The following SLC16A2 variants were observed in gnomAD, a reference collection of about 807,000 sequenced individuals.
SLC16A2 encodes monocarboxylate transporter 8.
A neutral mutation model predicts 27.2 loss-of-function variants in SLC16A2; 3 were observed. That is an observed-to-expected ratio of 0.11 (90% confidence interval 0.05 to 0.28). The LOEUF (loss-of-function observed/expected upper bound fraction) is 0.28. Among genes scored for constraint, SLC16A2 ranks in the 10% least tolerant of loss-of-function variants. The pLI is 1.00. For missense variants in SLC16A2, 295 were observed against 458.5 expected, an observed-to-expected ratio of 0.64 and a Z score of 3.26; for synonymous variants, 202 against 187.8, an observed-to-expected ratio of 1.08 and a Z score of -0.62.
chrX:74,429,618 A>G (rs1395589054), intron 1 of SLC16A2, among the ~76,000 whole-genome samples: 1 of 112,125 alleles, frequency 8.9e-6, no homozygotes, highest in African/African-American at 3.2e-5. Context: ...TTTTTCCTCA[A>G]CTTAACCCAT....
chrX:74,430,595 C>T (rs1324428867), intron 1 of SLC16A2, among the ~76,000 whole-genome samples: 1 of 111,903 alleles, frequency 8.9e-6, no homozygotes, highest in East Asian at 2.8e-4. Flanking sequence ...AAATCAAAAC[C>T]GCAATGAGAT....
At chrX:74,494,952 C>T (rs1484507449) in intron 1 of SLC16A2, among the ~76,000 whole-genome samples, 1 of 111,446 alleles carries the variant, frequency 9.0e-6, no homozygotes, top group Non-Finnish European at 1.9e-5. Flanking sequence ...CTCCTGCCCC[C>T]ACCCTCATAC....
chrX:74,443,304 A>G (rs900468010), intron 1 of SLC16A2, among the ~76,000 whole-genome samples: 1 of 111,729 alleles, frequency 9.0e-6, no homozygotes, highest in Non-Finnish European at 1.9e-5. Context: ...TCCTCTGTGG[A>G]TATCTGATTC....
At chrX:74,490,539 G>A (rs185955818) in intron 1 of SLC16A2, among the ~76,000 whole-genome samples, 1 of 110,717 alleles carries the variant, frequency 9.0e-6, no homozygotes, top group African/African-American at 3.3e-5. Context: ...GGCTCAAATC[G>A]TGGAGTGACC....
intron 1 of SLC16A2, among the ~76,000 whole-genome samples, chrX:74,497,674 G>T (rs1279863202): frequency 1.8e-5 from 2 of 109,947 alleles, no homozygotes; most frequent in Non-Finnish European, 3.8e-5. Context: ...TCTATCAATT[G>T]TTCTGTAAAA....
intron 4 of SLC16A2, 130 bp downstream of exon 4, chrX:74,526,023 C>A (rs1930482753): frequency 1.4e-6 from 1 of 737,622 alleles, no homozygotes; most frequent in Non-Finnish European, 2.0e-6. Flanking sequence ...TCTGAGCCTC[C>A]ATTTCACCTG....
chrX:74,422,155 G>C, intron 1 of SLC16A2, 88 bp downstream of exon 1: 2 of 954,376 alleles, frequency 2.1e-6, no homozygotes, highest in Non-Finnish European at 3.0e-6. Context: ...GGTCCGAGGC[G>C]CCCCTCCAAC....
intron 1 of SLC16A2, among the ~76,000 whole-genome samples, chrX:74,490,660 T>C (rs1251983377): frequency 5.4e-5 from 6 of 111,501 alleles, no homozygotes; most frequent in African/African-American, 3.3e-5. Context: ...GACACTCCCA[T>C]GAGGCCCTTG....
Position 74,470,808 on chromosome X carries a change from G to T in SLC16A2, c.430+48741G>T, listed in dbSNP as rs191904924. On this transcript the variant is annotated intron_variant, in intron 1 of 5. Coordinates refer to ENST00000587091, the MANE Select transcript of SLC16A2 (RefSeq NM_006517.5). ...AAAAAATTAGCCGGGTGTGGTGGCG[G>T]CTACCTGTAGTCCCAGCTACTAGGG... Among the ~76,000 whole-genome samples, 986 of 110,596 alleles carry T rather than the reference G, an allele frequency of 8.9e-3. 10 individuals are homozygous for T. The highest frequency in any genetic ancestry group is 0.031 in the African/African-American group (942 of 30,454).
intron 1 of SLC16A2, among the ~76,000 whole-genome samples, chrX:74,468,422 A>G (rs899684302): frequency 8.9e-6 from 1 of 112,091 alleles, no homozygotes; most frequent in Non-Finnish European, 1.9e-5. Context: ...AGGTTCTTCT[A>G]TATCATAGCA....
intron 1 of SLC16A2, among the ~76,000 whole-genome samples, chrX:74,504,250 C>T (rs1297514153): frequency 8.9e-6 from 1 of 112,037 alleles, no homozygotes; most frequent in Non-Finnish European, 1.9e-5. Context: ...CCAGGTCGCT[C>T]TTGAGTCCAT....
intron 5 of SLC16A2, among the ~76,000 whole-genome samples, chrX:74,529,955 G>C (rs1460233229): frequency 9.2e-6 from 1 of 109,220 alleles, no homozygotes; most frequent in Non-Finnish European, 1.9e-5. Flanking sequence ...ACCTTCAGCA[G>C]GAAAAGTGTT....
chrX:74,438,513 CACAG>C (rs1928666700), intron 1 of SLC16A2, among the ~76,000 whole-genome samples: 1 of 112,736 alleles, frequency 8.9e-6, no homozygotes, highest in Admixed American at 9.4e-5. Flanking sequence ...GAACTCATGA[CACAG>C]ACAATTAAAA....
intron 1 of SLC16A2, among the ~76,000 whole-genome samples, chrX:74,495,065 T>C (rs1469298157): frequency 9.0e-6 from 1 of 111,607 alleles, no homozygotes; most frequent in Non-Finnish European, 1.9e-5. Flanking sequence ...CTTGGGTGCA[T>C]GTGCCTCAGT....
At chrX:74,493,505 G>A (rs1459160136) in intron 1 of SLC16A2, among the ~76,000 whole-genome samples, 1 of 112,007 alleles carries the variant, frequency 8.9e-6, no homozygotes, top group East Asian at 2.8e-4. Context: ...AGTGCCAGAG[G>A]CTTCTGCTTC....
At chrX:74,433,556 A>T (rs1928571104) in intron 1 of SLC16A2, among the ~76,000 whole-genome samples, 1 of 110,553 alleles carries the variant, frequency 9.0e-6, no homozygotes, top group Non-Finnish European at 1.9e-5. Context: ...TCCCATCTTT[A>T]TGATCATGTG....
intron 1 of SLC16A2, among the ~76,000 whole-genome samples, chrX:74,502,489 T>A (rs1930053252): frequency 8.9e-6 from 1 of 112,387 alleles, no homozygotes; most frequent in African/African-American, 3.2e-5. Context: ...CAGGAGTTGG[T>A]GGAAGGCTTA....
At chrX:74,454,039 T>C (rs1458515569) in intron 1 of SLC16A2, among the ~76,000 whole-genome samples, 1 of 111,369 alleles carries the variant, frequency 9.0e-6, no homozygotes, top group East Asian at 2.8e-4. Flanking sequence ...ATCTATTATT[T>C]TTCTGACTAC....
chrX:74,492,138 G>C (rs937495115), intron 1 of SLC16A2, among the ~76,000 whole-genome samples: 1 of 111,513 alleles, frequency 9.0e-6, no homozygotes, highest in Non-Finnish European at 1.9e-5. Context: ...GATCAGAAGG[G>C]AGCAAGTGAG....
Sources: gnomAD v4.1 joint callset for allele counts (sites outside exome capture counted in the v4.1 genomes callset) on GRCh38, gnomAD v4.1.1 for gene constraint, MANE v1.5 for transcripts, NCBI Gene and HGNC (gene_info 2026-07-23, HGNC 2026-07-21) for gene names.